The following NDUFS7 variants were observed in gnomAD, a reference collection of about 807,000 sequenced individuals.
NDUFS7 encodes NADH dehydrogenase [ubiquinone] iron-sulfur protein 7, mitochondrial.
Under a neutral mutation model 31.1 loss-of-function variants are expected in NDUFS7, and 11 were observed. The observed-to-expected ratio is 0.35, with a 90% CI of 0.22 to 0.59. The LOEUF is 0.59. NDUFS7 is among the 20% of genes least tolerant of loss of function. The pLI is 0.79. For synonymous variants in NDUFS7, 136 were observed against 127.9 expected (o/e 1.06, Z -0.43); for missense variants, 263 against 324.2 (o/e 0.81, Z 1.45).
chr19:1,388,103 G>A (rs761068805), intron 2 of NDUFS7: 4 of 604,742 alleles, frequency 6.6e-6, no homozygotes, highest in East Asian at 5.6e-5. Context: ...AGAGCTCACC[G>A]CCACCTGGGG....
chr19:1,394,262 C>A, intron 7 of NDUFS7: 3 of 851,628 alleles, frequency 3.5e-6, no homozygotes, highest in Admixed American at 2.4e-5. Context: ...ACCCCGGGGG[C>A]AGTGGAGAGG....
chr19:1,395,560 A>G lies in NDUFS7; in HGVS notation c.*72A>G, dbSNP rs929802734. The G allele has an allele frequency of 9.2e-6, 14 of 1,514,760 alleles. No homozygotes were observed. The highest frequency in any genetic ancestry group is 2.8e-5 in the African/African-American group (2 of 72,252). The allele number at this position is 1,514,760 out of a possible 1,614,324, so 93.8% of individuals were successfully genotyped here. ...CTGCTTGTGTCCCGTGAGGTTGTCA[A>G]TAAACCTGCCCTCGGGCTGCCGCCT... On this transcript the variant is annotated 3_prime_UTR_variant, in exon 8 of 8. Coordinates refer to ENST00000233627, the MANE Select transcript of NDUFS7 (RefSeq NM_024407.5).
rs1476671438 is a variant in NDUFS7 at position 1,393,819 on chromosome 19, TG to T, written c.544+490del. The T allele has an allele frequency of 2.8e-6, 1 of 353,728 alleles. No individual in the cohort carries two copies. The highest frequency in any genetic ancestry group is 2.1e-5 in the African/African-American group (1 of 48,340). 21.9% of individuals were successfully genotyped at this position (353,728 alleles called of 1,614,324 possible). ...CATCAGGAAAACTGTTAGTAGTAAT[TG>T]TTTAGTACGAGTATATCCCAACAAT... On this transcript the variant is annotated intron_variant, in intron 7 of 7. Coordinates refer to ENST00000233627, the MANE Select transcript of NDUFS7 (RefSeq NM_024407.5). This position sits in a 1 kb window ranked among gnomAD's most constrained non-coding sequence, Gnocchi z 7.3.
rs1189726155 is a variant in NDUFS7, at chr19:1,388,406, C to G, written c.54-119C>G. On this transcript the variant is annotated intron_variant, in intron 2 of 7. Transcript: ENST00000233627. ...CTCTGGCCAGTGGCCCAAGTGTTGA[C>G]AGGCAGAGGTGAGAACAGTCTCGCA... The G allele has an allele frequency of 4.2e-6, 4 of 948,974 alleles. No individual in the cohort carries two copies. In the African/African-American group the frequency reaches 6.4e-5, roughly 15 times the overall value. The allele number at this position is 948,974 out of a possible 1,614,324, so 58.8% of individuals were successfully genotyped here.
In NDUFS7 at chr19:1,393,300, C is replaced by T. The variant is rs754130120; in HGVS notation, c.514C>T (p.Arg172Cys). Residue 172 changes from arginine to cysteine, a missense_variant, in exon 7 of 8, where the codon CGC (arginine) becomes TGC (cysteine). Coordinates refer to ENST00000233627, the MANE Select transcript of NDUFS7 (RefSeq NM_024407.5). The surrounding 1 kb of genome is among the most constrained non-coding windows in gnomAD (Gnocchi z 7.3). ...YSYSVVRGCDRIVPVDIYIPG... is the reference protein window; with the variant it reads ...YSYSVVRGCDCIVPVDIYIPG... ...CTACTCGGTGGTGAGGGGCTGCGACCGCATCGTGCCCGTGGACATCTACAT... is the reference window on the plus strand; with the variant it reads ...CTACTCGGTGGTGAGGGGCTGCGACTGCATCGTGCCCGTGGACATCTACAT... The T allele has an allele frequency of 4.0e-5, 64 of 1,587,850 alleles. No homozygotes were observed. The highest frequency in any genetic ancestry group is 3.8e-5 in the Non-Finnish European group (44 of 1,168,328).
chr19:1,387,651 T>G (rs1387693398), intron 1 of NDUFS7, 160 bp from the exon 2 acceptor site: 5 of 681,994 alleles, frequency 7.3e-6, no homozygotes, highest in Non-Finnish European at 1.3e-5. Context: ...GACTCTCTCG[T>G]GTTCTGAAAA....
rs540368682 is a variant in NDUFS7 at position 1,393,387 on chromosome 19, G to A, written c.544+57G>A. ...GCTGGAGACAGGGCCAGCGCCACAC[G>A]GAGCCCGGCGGCCCCTGTGAGGGAG... On this transcript the variant is annotated intron_variant, in intron 7 of 7. Coordinates refer to ENST00000233627, the MANE Select transcript of NDUFS7 (RefSeq NM_024407.5). This position sits in a 1 kb window ranked among gnomAD's most constrained non-coding sequence, Gnocchi z 7.3. The A allele has an allele frequency of 7.6e-6, 11 of 1,446,488 alleles. No individual in the cohort carries two copies. Among genetic ancestry groups the A allele is most frequent in the African/African-American group, 5.6e-5 (4 of 71,242 alleles). The allele number at this position is 1,446,488 out of a possible 1,614,324, so 89.6% of individuals were successfully genotyped here.
Position 1,393,471 on chromosome 19 carries a change from G to A in NDUFS7, c.544+141G>A, listed in dbSNP as rs1190978487. Reference sequence around the variant, plus strand: ...TCCTATGGATGGGCCGACTCGGAGCGCTGCCTCTTAGTGGAGCCTGTCCCC... The same window carrying A: ...TCCTATGGATGGGCCGACTCGGAGCACTGCCTCTTAGTGGAGCCTGTCCCC... On this transcript the variant is annotated intron_variant, in intron 7 of 7. Coordinates refer to ENST00000233627, the MANE Select transcript of NDUFS7 (RefSeq NM_024407.5). The surrounding 1 kb of genome is among the most constrained non-coding windows in gnomAD (Gnocchi z 7.3). The A allele has an allele frequency of 1.9e-5, 14 of 729,402 alleles. No individual in the cohort carries two copies. The highest frequency in any genetic ancestry group is 3.4e-5 in the Non-Finnish European group (14 of 411,736). The allele number at this position is 729,402 out of a possible 1,614,324, so 45.2% of individuals were successfully genotyped here. A position where few individuals can be genotyped will look rare whatever the true frequency, so the allele number is the denominator to read the frequency against.
intron 3 of NDUFS7, 57 bp from the exon 4 acceptor site, chr19:1,388,776 C>T: frequency 6.5e-7 from 1 of 1,532,752 alleles, no homozygotes; most frequent in East Asian, 2.4e-5. Context: ...CTCGCATCCG[C>T]CTCTGGGAAG....
chr19:1,385,836 C>A (rs973281749), intron 1 of NDUFS7, among the ~76,000 whole-genome samples: 36 of 152,056 alleles, frequency 2.4e-4, no homozygotes, highest in Non-Finnish European at 5.0e-4. Flanking sequence ...ACAACAACAA[C>A]AACAAAAACC....
At chr19:1,387,270 A>G (rs1334175777) in intron 1 of NDUFS7, 1 of 178,392 alleles carries the variant, frequency 5.6e-6, no homozygotes, top group African/African-American at 2.4e-5. Flanking sequence ...CAGGACGAGC[A>G]CTGGGTGCCC....
At chr19:1,395,123 C>T (rs1013393680) in intron 7 of NDUFS7, 6 of 1,366,210 alleles carry the variant, frequency 4.4e-6, no homozygotes, top group Admixed American at 3.1e-5. Flanking sequence ...GTGAGGTCAG[C>T]GTCTTGTCCG....
chr19:1,384,793 T>C (rs1467902350), intron 1 of NDUFS7, among the ~76,000 whole-genome samples: 1 of 152,210 alleles, frequency 6.6e-6, no homozygotes, highest in Non-Finnish European at 1.5e-5. Context: ...ACTGCCGTAT[T>C]TTGTTGTCTA....
intron 2 of NDUFS7, 86 bp downstream of exon 2, chr19:1,387,933 G>GGGGGC: frequency 2.6e-6 from 1 of 385,718 alleles, no homozygotes; most frequent in Non-Finnish European, 5.1e-6. Context: ...GGGGTGGGGG[G>GGGGGC]AGCGCCTTGT....
rs775410920 is a variant in NDUFS7 at position 1,383,931 on chromosome 19, C to T, written c.5C>T (p.Ala2Val). The T allele has an allele frequency of 4.8e-5, 76 of 1,580,248 alleles. No individual in the cohort carries two copies. The highest frequency in any genetic ancestry group is 5.7e-5 in the Non-Finnish European group (66 of 1,164,448). MAVLSAPGLRGF... is the reference protein window; with the variant it reads MVVLSAPGLRGF... The stretch of plus-strand genomic sequence containing the variant: ...TGTCTGAAGGCCGAGGCCAAGATGG[C>T]GGTGCTGTCAGGTGAGCGCGGCACC... The change falls in exon 1 of 8, where the codon GCG (alanine) becomes GTG (valine). Residue 2 changes from alanine to valine, a missense_variant. Physicochemically the swap from Ala to Val is moderately conservative, Grantham distance 64. Transcript: ENST00000233627.
chr19:1,389,132 A>C (rs765710231), intron 4 of NDUFS7, 194 bp downstream of exon 4: 6 of 705,824 alleles, frequency 8.5e-6, no homozygotes, highest in Non-Finnish European at 1.0e-5. Flanking sequence ...ACTCACGCAC[A>C]CAATGCACAT....
In NDUFS7 at chr19:1,390,867, G is replaced by A. The variant is rs767025953; in HGVS notation, c.229-4G>A. On this transcript the variant is annotated splice_polypyrimidine_tract_variant and splice_region_variant and intron_variant, in intron 4 of 7. Transcript: ENST00000233627. ...GGCGTCTGACCCGAGCCCGGCCTCCGCAGAGTTCTCTGTGGCCCATGACCT... is the reference window on the plus strand; with the variant it reads ...GGCGTCTGACCCGAGCCCGGCCTCCACAGAGTTCTCTGTGGCCCATGACCT... 3 of 1,607,054 alleles carry A rather than the reference G, an allele frequency of 1.9e-6. No homozygotes were observed. Among genetic ancestry groups the A allele is most frequent in the African/African-American group, 1.3e-5 (1 of 74,766 alleles).
rs1214765624 is a variant in NDUFS7 at position 1,391,046 on chromosome 19, G to C, written c.404G>C (p.Arg135Pro). The change falls in exon 5 of 8, where the codon CGC becomes CCC. Residue 135 changes from arginine to proline, a missense_variant. Physicochemically the swap from Arg to Pro is moderately radical, Grantham distance 103. Coordinates refer to ENST00000233627, the MANE Select transcript of NDUFS7 (RefSeq NM_024407.5). ...TLTNKMAPALRKVYDQMPEPR... is the reference protein window; with the variant it reads ...TLTNKMAPALPKVYDQMPEPR... ...ACCAACAAGATGGCCCCAGCGCTTC[G>C]CAAGGTAGGCCTCGTCCCAGCCGCC... 1 of 1,613,152 alleles carries C rather than the reference G, an allele frequency of 6.2e-7. No individual in the cohort carries two copies. Among genetic ancestry groups the C allele is most frequent in the Non-Finnish European group, 8.5e-7 (1 of 1,179,886 alleles).
rs952735600 is a variant in NDUFS7, at chr19:1,388,033, C to A, written c.53+186C>A. The A allele has an allele frequency of 3.8e-5, 26 of 680,834 alleles. No homozygotes were observed. In the African/African-American group the frequency reaches 4.2e-4, roughly 11 times the overall value. The allele number at this position is 680,834 out of a possible 1,614,324, so 42.2% of individuals were successfully genotyped here. ...CCGGGACCCTCCCTGGGACAGTCCACGCAGTGGCAAAGGCTGGACAGTCAG... is the reference window on the plus strand; with the variant it reads ...CCGGGACCCTCCCTGGGACAGTCCAAGCAGTGGCAAAGGCTGGACAGTCAG... On this transcript the variant is annotated intron_variant, in intron 2 of 7. Coordinates refer to ENST00000233627, the MANE Select transcript of NDUFS7 (RefSeq NM_024407.5).
Sources: allele counts gnomAD v4.1 joint callset (sites outside exome capture counted in the v4.1 genomes callset), GRCh38; gene constraint gnomAD v4.1.1; non-coding constraint Gnocchi (gnomAD v3.1); transcripts MANE v1.5; gene names NCBI Gene and HGNC (gene_info 2026-07-23, HGNC 2026-07-21).